Variants in ZNF804B observed in about 807,000 individuals in gnomAD.
ZNF804B encodes zinc finger protein 804B, also known as zinc finger 804B.
Under a neutral mutation model 101.4 loss-of-function variants are expected in ZNF804B, and 80 were observed. That is an observed-to-expected ratio of 0.79 (90% confidence interval 0.66 to 0.95). The LOEUF (loss-of-function observed/expected upper bound fraction) is 0.95, where lower values mean the gene tolerates loss of function less well. ZNF804B is among the 40% of genes least tolerant of loss of function. The pLI is 0.00. For missense variants in ZNF804B, 1,673 were observed against 1,561.9 expected, an observed-to-expected ratio of 1.07 and a Z score of -1.20; for synonymous variants, 622 against 558.8, an observed-to-expected ratio of 1.11 and a Z score of -1.59.
At chr7:89,103,141 T>C (rs1372953922) in intron 1 of ZNF804B, among the ~76,000 whole-genome samples, 1 of 141,240 alleles carries the variant, frequency 7.1e-6, no homozygotes, top group Non-Finnish European at 1.5e-5. Context: ...AATCAGGCAA[T>C]GCAATGTCTC....
At chr7:88,975,329 T>G (rs1014456373) in intron 1 of ZNF804B, among the ~76,000 whole-genome samples, 7 of 151,372 alleles carry the variant, frequency 4.6e-5, no homozygotes, top group African/African-American at 1.7e-4. Context: ...GACCATTCTA[T>G]TTTTAGTCTT....
rs186486050 is a variant in ZNF804B, at chr7:89,072,700, C to T, written c.109-145455C>T. On this transcript the variant is annotated intron_variant, in intron 1 of 3. Transcript: ENST00000333190. ...GTGACATGAGACTATGTAAATATAA[C>T]CAGGAAGACAACAGAGAATAATATG... Among the ~76,000 whole-genome samples, 68 of 151,988 alleles carry T rather than the reference C, an allele frequency of 4.5e-4. No homozygotes were observed. The East Asian group carries it at 0.012, about 28-fold the overall frequency.
At position 89,334,214 on chromosome 7, in the gene ZNF804B, A is replaced by G. The variant is rs1791035263; in HGVS notation, c.1232A>G (p.Glu411Gly). The G allele has an allele frequency of 6.2e-6, 10 of 1,613,542 alleles. No individual in the cohort carries two copies. The East Asian group carries it at 2.2e-4, about 36-fold the overall frequency. ...CCAAATTCCAGAATAGAGAACAGAGAAAAATCTTTAGATAAAACAGAAAGA... is the reference window on the plus strand; with the variant it reads ...CCAAATTCCAGAATAGAGAACAGAGGAAAATCTTTAGATAAAACAGAAAGA... Reference protein sequence around the residue: ...LNPNSRIENREKSLDKTERVS... With the variant: ...LNPNSRIENRGKSLDKTERVS... The change falls in exon 4 of 4, where the codon GAA (glutamate) becomes GGA (glycine). Residue 411 changes from glutamate (E) to glycine (G), a missense_variant. Physicochemically the swap from Glu to Gly is moderately conservative, Grantham distance 98. Transcript: ENST00000333190.
chr7:89,318,933 A>G (rs1273065538), intron 2 of ZNF804B, among the ~76,000 whole-genome samples: 1 of 152,232 alleles, frequency 6.6e-6, no homozygotes, highest in Non-Finnish European at 1.5e-5. Flanking sequence ...ACCAGTCATT[A>G]GCATTGTTTC....
chr7:89,335,520 C>T lies in ZNF804B; in HGVS notation c.2538C>T (p.Cys846=). The T allele has an allele frequency of 6.2e-7, 1 of 1,613,914 alleles. No individual in the cohort carries two copies. The highest frequency in any genetic ancestry group is 8.5e-7 in the Non-Finnish European group (1 of 1,179,924). ...GAAGCAGTAAAAAACCACCTAATTG[C>T]CAGGGAACTCAGCACGACAGATTGG... ...CTGSSKKPPN[C]QGTQHDRLDS... is the part of the protein sequence containing the mutation. The change falls in exon 4 of 4, where the codon TGC becomes TGT. Residue 846 remains cysteine (C), a synonymous_variant. Transcript: ENST00000333190.
At chr7:89,005,990 A>G (rs1036554385) in intron 1 of ZNF804B, among the ~76,000 whole-genome samples, 4 of 152,154 alleles carry the variant, frequency 2.6e-5, no homozygotes, top group Admixed American at 6.6e-5. Context: ...GTGGATATCT[A>G]TGAACAATCT....
chr7:88,886,522 C>T (rs1280411919), intron 1 of ZNF804B, among the ~76,000 whole-genome samples: 1 of 152,092 alleles, frequency 6.6e-6, no homozygotes, highest in East Asian at 1.9e-4. Context: ...AAAAGGTTGA[C>T]TTGAAATTTG....
At chr7:88,953,901 T>C (rs1415348057) in intron 1 of ZNF804B, among the ~76,000 whole-genome samples, 1 of 151,776 alleles carries the variant, frequency 6.6e-6, no homozygotes, top group Non-Finnish European at 1.5e-5. Flanking sequence ...AACATTTTAC[T>C]GTTGATCATT....
chr7:88,987,353 A>C (rs1267887219), intron 1 of ZNF804B, among the ~76,000 whole-genome samples: 1 of 152,156 alleles, frequency 6.6e-6, no homozygotes, highest in Non-Finnish European at 1.5e-5. Context: ...GATGGGTTAA[A>C]AACCCAGCAC....
At chr7:88,998,838 G>A (rs76456743) in intron 1 of ZNF804B, among the ~76,000 whole-genome samples, 5,411 of 152,040 alleles carry the variant, frequency 0.036, 145 homozygotes, top group East Asian at 0.12. Flanking sequence ...AAAGTGCTTT[G>A]GCCTCCTTAA....
intron 1 of ZNF804B, among the ~76,000 whole-genome samples, chr7:88,798,352 G>A (rs1020963896): frequency 2.6e-5 from 4 of 151,946 alleles, no homozygotes; most frequent in African/African-American, 9.7e-5. Flanking sequence ...AATCAACTAA[G>A]CTCTCCTTTC....
chr7:88,884,626 A>C (rs1156843485), intron 1 of ZNF804B, among the ~76,000 whole-genome samples: 1 of 151,914 alleles, frequency 6.6e-6, no homozygotes, highest in African/African-American at 2.4e-5. Flanking sequence ...TCATATTTCA[A>C]ATAGCAATTT....
At chr7:89,136,284 C>T (rs1248795288) in intron 1 of ZNF804B, among the ~76,000 whole-genome samples, 2 of 152,148 alleles carry the variant, frequency 1.3e-5, no homozygotes, top group East Asian at 3.9e-4. Flanking sequence ...ACCATATTCA[C>T]TGTATTCAGG....
intron 1 of ZNF804B, among the ~76,000 whole-genome samples, chr7:88,934,786 C>T (rs377647917): frequency 4.6e-5 from 7 of 151,938 alleles, no homozygotes; most frequent in African/African-American, 1.7e-4. Flanking sequence ...CTTTACATTC[C>T]TGGTGGGAAT....
At position 89,175,100 on chromosome 7, in the gene ZNF804B, A is replaced by G. The variant is rs529799253; in HGVS notation, c.109-43055A>G. ...TGCAGAAGCTTTTTAAGTTGATGTG[A>G]TCTTATTTATCCATGTTTGCTTTGG... On this transcript the variant is annotated intron_variant, in intron 1 of 3. Coordinates refer to ENST00000333190, the MANE Select transcript of ZNF804B (RefSeq NM_181646.5). 2.0e-5 allele frequency among the ~76,000 whole-genome samples: 3 copies of G among 151,722 alleles called. No individual in the cohort carries two copies. In the South Asian group the frequency reaches 6.2e-4, roughly 32 times the overall value.
intron 1 of ZNF804B, among the ~76,000 whole-genome samples, chr7:88,881,744 A>G (rs865788286): frequency 2.7e-4 from 41 of 152,212 alleles, no homozygotes; most frequent in Middle Eastern, 3.4e-3. Context: ...ATTTTCCATT[A>G]TATATTTATT....
rs536541228 is a variant in ZNF804B, at chr7:89,193,597, A to G, written c.109-24558A>G. Among the ~76,000 whole-genome samples the G allele has an allele frequency of 1.6e-4, 24 of 151,900 alleles. No homozygotes were observed. The South Asian group carries it at 2.9e-3, about 18-fold the overall frequency. On this transcript the variant is annotated intron_variant, in intron 1 of 3. Coordinates refer to ENST00000333190, the MANE Select transcript of ZNF804B (RefSeq NM_181646.5). ...TTGTCCTTGTGATAGTTTGCTGAGA[A>G]TGATGGTTTCCAGCTTCATCCATGT...
chr7:88,976,006 G>A (rs10228379), intron 1 of ZNF804B, among the ~76,000 whole-genome samples: 2,440 of 151,696 alleles, frequency 0.016, 59 homozygotes, highest in African/African-American at 0.055. Flanking sequence ...AGTTTTCCCA[G>A]TGCCATTTAT....
chr7:89,221,333 A>C (rs1173389720), intron 2 of ZNF804B, among the ~76,000 whole-genome samples: 1 of 152,002 alleles, frequency 6.6e-6, no homozygotes, highest in Non-Finnish European at 1.5e-5. Context: ...CTGAATATTA[A>C]GAAAAATTTA....
Sources: allele counts gnomAD v4.1 joint callset (sites outside exome capture counted in the v4.1 genomes callset), GRCh38; gene constraint gnomAD v4.1.1; transcripts MANE v1.5; gene names NCBI Gene and HGNC (gene_info 2026-07-23, HGNC 2026-07-21).